Variants in NLGN1 observed in about 807,000 individuals in gnomAD.
NLGN1 encodes neuroligin 1.
In NLGN1, 12 loss-of-function variants were observed where a neutral mutation model predicts 65.5. That is an observed-to-expected ratio of 0.18 (90% CI 0.12 to 0.30). The LOEUF is 0.30. Among genes scored for constraint, NLGN1 ranks in the 10% least tolerant of loss-of-function variants. The probability of loss-of-function intolerance (pLI) is 1.00; values close to 1 mark genes in which losing one functional copy is unlikely to be tolerated. For missense variants in NLGN1, 750 were observed against 1,007.1 expected, an observed-to-expected ratio of 0.74 and a Z score of 3.46; for synonymous variants, 350 against 359.5, an observed-to-expected ratio of 0.97 and a Z score of 0.30.
chr3:173,779,746 T>C (rs1780847772), intron 3 of NLGN1, among the ~76,000 whole-genome samples: 1 of 152,122 alleles, frequency 6.6e-6, no homozygotes, highest in African/African-American at 2.4e-5. Context: ...TTCAGATAAG[T>C]GGATTTTGAG....
chr3:174,010,052 A>G (rs1181537197), intron 4 of NLGN1, among the ~76,000 whole-genome samples: 5 of 152,188 alleles, frequency 3.3e-5, no homozygotes, highest in Admixed American at 6.6e-5. Flanking sequence ...TTGGAAGTCA[A>G]CACAGAGCTA....
At chr3:174,170,588 A>G (rs562641954) in intron 4 of NLGN1, among the ~76,000 whole-genome samples, 12 of 152,320 alleles carry the variant, frequency 7.9e-5, no homozygotes, top group Admixed American at 6.5e-4. Context: ...AGAAAAACTG[A>G]CTATACCTTT....
intron 3 of NLGN1, among the ~76,000 whole-genome samples, chr3:173,638,181 C>T (rs1360675007): frequency 2.0e-5 from 3 of 150,590 alleles, no homozygotes; most frequent in African/African-American, 7.3e-5. Flanking sequence ...TAGGGGAATG[C>T]ATTTGTTAGA....
intron 2 of NLGN1, among the ~76,000 whole-genome samples, chr3:173,556,387 A>G (rs1469219758): frequency 6.6e-6 from 1 of 152,216 alleles, no homozygotes; most frequent in African/African-American, 2.4e-5. Flanking sequence ...CACAAATTTC[A>G]ATATTGTATG....
chr3:173,740,427 A>G (rs1257118394), intron 3 of NLGN1, among the ~76,000 whole-genome samples: 1 of 152,144 alleles, frequency 6.6e-6, no homozygotes, highest in Non-Finnish European at 1.5e-5. Flanking sequence ...TGCACATAGC[A>G]CATTGTAGGA....
chr3:174,256,376 A>C (rs60612245), intron 4 of NLGN1, among the ~76,000 whole-genome samples: 1 of 152,126 alleles, frequency 6.6e-6, no homozygotes, highest in South Asian at 2.1e-4. Flanking sequence ...GTTCAAAGAA[A>C]GCTGATTCCT....
chr3:173,727,770 CTT>C (rs964966903), intron 3 of NLGN1, among the ~76,000 whole-genome samples: 1 of 152,086 alleles, frequency 6.6e-6, no homozygotes, highest in African/African-American at 2.4e-5. Context: ...TTTAAAGTGA[CTT>C]TTGAAATGAA....
intron 3 of NLGN1, among the ~76,000 whole-genome samples, chr3:173,765,679 T>C (rs1215820102): frequency 1.3e-5 from 2 of 152,142 alleles, no homozygotes; most frequent in African/African-American, 4.8e-5. Context: ...CTTCAATTTC[T>C]GGGATTTTGG....
chr3:174,240,650 T>C (rs1459621066), intron 4 of NLGN1, among the ~76,000 whole-genome samples: 1 of 152,202 alleles, frequency 6.6e-6, no homozygotes, highest in Non-Finnish European at 1.5e-5. Flanking sequence ...GCAGCATCCA[T>C]AGAGTTTTGG....
chr3:174,272,829 C>T lies in NLGN1; in HGVS notation c.647-2486C>T, dbSNP rs540420357. On this transcript the variant is annotated intron_variant, in intron 4 of 6. Coordinates refer to ENST00000457714, the Ensembl canonical transcript of NLGN1. ...TGGAGCTTGACTGAGTAATCTTGGA[C>T]GTTTTGAGGCTACAGCACAATAACT... is the stretch of plus-strand genomic sequence containing the variant. Among the ~76,000 whole-genome samples the T allele has an allele frequency of 9.2e-5, 14 of 151,622 alleles. No homozygotes were observed. In the East Asian group the frequency reaches 1.2e-3, roughly 13 times the overall value.
intron 3 of NLGN1, among the ~76,000 whole-genome samples, chr3:173,632,538 A>G (rs1368825445): frequency 6.6e-6 from 1 of 152,216 alleles, no homozygotes; most frequent in Non-Finnish European, 1.5e-5. Flanking sequence ...AATTAAGTGC[A>G]GCAGAAAAAA....
chr3:173,986,035 G>C (rs1391283681), intron 4 of NLGN1, among the ~76,000 whole-genome samples: 1 of 152,192 alleles, frequency 6.6e-6, no homozygotes, highest in Non-Finnish European at 1.5e-5. Flanking sequence ...CTCACATGTT[G>C]TAATCCTAAT....
intron 2 of NLGN1, among the ~76,000 whole-genome samples, chr3:173,455,306 C>T (rs1722320688): frequency 6.6e-6 from 1 of 151,980 alleles, no homozygotes; most frequent in African/African-American, 2.4e-5. Flanking sequence ...GTCTTTTAAA[C>T]CGTGAAATCT....
chr3:173,411,063 G>T (rs80097093), intron 1 of NLGN1, among the ~76,000 whole-genome samples: 15 of 152,352 alleles, frequency 9.8e-5, no homozygotes, highest in African/African-American at 3.6e-4. Context: ...TCAGTGTACA[G>T]AGTGATAATG....
chr3:174,062,052 G>C (rs955125586), intron 4 of NLGN1, among the ~76,000 whole-genome samples: 6 of 152,126 alleles, frequency 3.9e-5, no homozygotes, highest in Non-Finnish European at 7.4e-5. Context: ...GAATGCTTGG[G>C]GGGGAAGAAA....
At chr3:173,409,239 G>A (rs1711993146) in intron 1 of NLGN1, among the ~76,000 whole-genome samples, 2 of 152,080 alleles carry the variant, frequency 1.3e-5, no homozygotes, top group Admixed American at 1.3e-4. Context: ...CTACACTCAG[G>A]TTTGCAAAAC....
intron 3 of NLGN1, among the ~76,000 whole-genome samples, chr3:173,671,336 C>G (rs534966024): frequency 6.6e-6 from 1 of 152,072 alleles, no homozygotes; most frequent in African/African-American, 2.4e-5. Flanking sequence ...CCCGCCTCTA[C>G]ATGAAATATA....
chr3:173,547,941 A>T (rs921994618), intron 2 of NLGN1, among the ~76,000 whole-genome samples: 7 of 150,754 alleles, frequency 4.6e-5, no homozygotes, highest in Non-Finnish European at 1.0e-4. Flanking sequence ...ACATGTTTTA[A>T]TTTTTTTTTT....
intron 4 of NLGN1, among the ~76,000 whole-genome samples, chr3:174,258,184 T>G (rs1230457576): frequency 6.6e-6 from 1 of 152,022 alleles, no homozygotes; most frequent in African/African-American, 2.4e-5. Flanking sequence ...CAAAATGACA[T>G]AGGAACCAGC....
Sources: allele counts gnomAD v4.1 joint callset (sites outside exome capture counted in the v4.1 genomes callset), GRCh38; gene constraint gnomAD v4.1.1; transcripts MANE v1.5; gene names NCBI Gene and HGNC (gene_info 2026-07-23, HGNC 2026-07-21).